VKORC1L1: variants seen among roughly 807,000 people sequenced by gnomAD.
VKORC1L1 encodes the protein vitamin K epoxide reductase complex subunit 1L1.
Under a neutral mutation model 18.9 loss-of-function variants are expected in VKORC1L1, and 2 were observed. The ratio of observed to expected loss-of-function variants is 0.11; its 90% CI spans 0.04 to 0.33. The LOEUF (loss-of-function observed/expected upper bound fraction) is 0.33, where lower values mean the gene tolerates loss of function less well. Among genes scored for constraint, VKORC1L1 ranks in the 10% least tolerant of loss-of-function variants. The pLI, the probability that VKORC1L1 is intolerant of heterozygous loss-of-function variation, is 1.00. For missense variants in VKORC1L1, 123 were observed against 224.1 expected (o/e 0.55, Z 2.88); for synonymous variants, 96 against 100.0 (o/e 0.96, Z 0.24).
rs550208277 is a variant in VKORC1L1 at position 65,889,270 on chromosome 7, C to T, written c.194+15705C>T. 1.1e-4 allele frequency among the ~76,000 whole-genome samples: 16 copies of T among 152,306 alleles called. 1 individual carries two copies. Among genetic ancestry groups the T allele is most frequent in the Non-Finnish European group, 1.6e-4 (11 of 68,026 alleles). On this transcript the variant is annotated intron_variant, in intron 1 of 2. Coordinates refer to ENST00000360768, the MANE Select transcript of VKORC1L1 (RefSeq NM_173517.6). ...CTACCCCAACCTCTGCTGTTGAGTA[C>T]TTCATTTGCTAATATCTAATTGCCT...
intron 1 of VKORC1L1, among the ~76,000 whole-genome samples, chr7:65,876,142 A>G (rs1421275917): frequency 1.3e-5 from 2 of 152,202 alleles, no homozygotes; most frequent in Non-Finnish European, 2.9e-5. Flanking sequence ...CAATTCTACC[A>G]TGTACAGCCA....
intron 1 of VKORC1L1, among the ~76,000 whole-genome samples, chr7:65,876,785 C>G (rs969427714): frequency 1.3e-5 from 2 of 152,154 alleles, no homozygotes; most frequent in African/African-American, 4.8e-5. Context: ...TGGCTCACAC[C>G]TGTAATCCCA....
chr7:65,925,608 T>C (rs569704424), intron 1 of VKORC1L1, among the ~76,000 whole-genome samples: 8 of 152,288 alleles, frequency 5.3e-5, no homozygotes, highest in African/African-American at 1.7e-4. Flanking sequence ...AAGAAATAGG[T>C]GTTGGAAGCA....
At chr7:65,935,804 T>C (rs551940704) in intron 1 of VKORC1L1, among the ~76,000 whole-genome samples, 20 of 152,290 alleles carry the variant, frequency 1.3e-4, no homozygotes, top group Non-Finnish European at 2.2e-4. Flanking sequence ...ATCTATAAAT[T>C]TTTATATTTG....
chr7:65,939,705 G>T (rs144475961), intron 1 of VKORC1L1, among the ~76,000 whole-genome samples: 1 of 152,168 alleles, frequency 6.6e-6, no homozygotes, highest in Non-Finnish European at 1.5e-5. Flanking sequence ...GAGAAACAAG[G>T]CTTAGCCAGA....
At chr7:65,890,434 A>G (rs1489934207) in intron 1 of VKORC1L1, among the ~76,000 whole-genome samples, 1 of 151,828 alleles carries the variant, frequency 6.6e-6, no homozygotes. Context: ...CCCAGCCCCT[A>G]ATTATTGTCT....
chr7:65,923,125 A>T (rs1229791028), intron 1 of VKORC1L1, among the ~76,000 whole-genome samples: 2 of 152,144 alleles, frequency 1.3e-5, no homozygotes, highest in Admixed American at 6.6e-5. Context: ...GACATCTCTT[A>T]AAAAGATGAT....
At chr7:65,889,062 C>T (rs1247412720) in intron 1 of VKORC1L1, among the ~76,000 whole-genome samples, 1 of 151,518 alleles carries the variant, frequency 6.6e-6, no homozygotes, top group Non-Finnish European at 1.5e-5. Context: ...CGTGACAGTT[C>T]TTCATTTTCC....
intron 1 of VKORC1L1, among the ~76,000 whole-genome samples, chr7:65,891,479 G>C (rs758100429): frequency 6.6e-6 from 1 of 152,042 alleles, no homozygotes; most frequent in Non-Finnish European, 1.5e-5. Context: ...TATCTTCTCT[G>C]TGAAGAGCTC....
chr7:65,918,922 C>T (rs138462382), intron 1 of VKORC1L1, among the ~76,000 whole-genome samples: 107 of 152,142 alleles, frequency 7.0e-4, no homozygotes, highest in African/African-American at 2.5e-3. Flanking sequence ...TGGTGAAACC[C>T]CATCTCTACT....
At chr7:65,946,743 C>T (rs895374631) in intron 1 of VKORC1L1, among the ~76,000 whole-genome samples, 4 of 152,040 alleles carry the variant, frequency 2.6e-5, no homozygotes, top group South Asian at 2.1e-4. Flanking sequence ...TCTGGATCCC[C>T]GGCACGTAGC....
intron 1 of VKORC1L1, among the ~76,000 whole-genome samples, chr7:65,932,873 T>G (rs1789881258): frequency 1.3e-5 from 2 of 150,724 alleles, no homozygotes; most frequent in Non-Finnish European, 3.0e-5. Flanking sequence ...AGGTCAGGAG[T>G]TCAAGACCAG....
intron 1 of VKORC1L1, among the ~76,000 whole-genome samples, chr7:65,914,979 C>T (rs1789561681): frequency 6.6e-6 from 1 of 152,114 alleles, no homozygotes; most frequent in South Asian, 2.1e-4. Context: ...GCACTCCAGC[C>T]TGGGTAACAG....
intron 2 of VKORC1L1, among the ~76,000 whole-genome samples, chr7:65,950,839 G>T (rs1790201065): frequency 6.6e-6 from 1 of 152,188 alleles, no homozygotes; most frequent in Non-Finnish European, 1.5e-5. Context: ...ATAGAAAAGG[G>T]TCGGGTGGTT....
chr7:65,937,660 A>T (rs1789965628), intron 1 of VKORC1L1, among the ~76,000 whole-genome samples: 1 of 152,038 alleles, frequency 6.6e-6, no homozygotes, highest in Non-Finnish European at 1.5e-5. Flanking sequence ...CAATCCCTCC[A>T]ACCTCAGCCT....
In VKORC1L1 at chr7:65,957,836, AAAAAAT is replaced by A. The variant is rs1298501838; in HGVS notation, c.*3548_*3553del. 6.6e-6 allele frequency: 1 copy of A among 151,410 alleles called. No homozygotes were observed. Among genetic ancestry groups the A allele is most frequent in the Admixed American group, 6.6e-5 (1 of 15,150 alleles). The allele number at this position is 151,410 out of a possible 1,614,324, so 9.4% of individuals were successfully genotyped here. The stretch of plus-strand genomic sequence containing the variant: ...AATGAGTGAAACTCTGTCTCAAATA[AAAAAAT>A]AAAAATAAAAACTATTTGTTGACTT... On this transcript the variant is annotated 3_prime_UTR_variant, in exon 3 of 3. Coordinates refer to ENST00000360768, the MANE Select transcript of VKORC1L1 (RefSeq NM_173517.6).
upstream of VKORC1L1, among the ~76,000 whole-genome samples, chr7:65,869,042 T>C (rs1470229916): frequency 5.3e-5 from 8 of 152,148 alleles, no homozygotes; most frequent in Middle Eastern, 3.4e-3. Context: ...TTGTCAAGTG[T>C]GGTGGCTCAC....
At chr7:65,895,538 C>CACACACAT (rs1789195467) in intron 1 of VKORC1L1, among the ~76,000 whole-genome samples, 1 of 126,870 alleles carries the variant, frequency 7.9e-6, no homozygotes, top group Non-Finnish European at 1.6e-5. Flanking sequence ...CACACACACA[C>CACACACAT]ATATAATTTG....
chr7:65,901,729 T>A (rs1406026046), intron 1 of VKORC1L1, among the ~76,000 whole-genome samples: 1 of 152,118 alleles, frequency 6.6e-6, no homozygotes, highest in Non-Finnish European at 1.5e-5. Context: ...GTGGGAGTTG[T>A]ACACAGAACT....
Sources: gnomAD v4.1 joint callset for allele counts (sites outside exome capture counted in the v4.1 genomes callset) on GRCh38, gnomAD v4.1.1 for gene constraint, MANE v1.5 for transcripts, NCBI Gene and HGNC (gene_info 2026-07-23, HGNC 2026-07-21) for gene names.